RORC: variants seen among roughly 807,000 people sequenced by gnomAD.
RORC encodes nuclear receptor ROR-gamma.
RORC carries 13 observed loss-of-function variants against 64.5 expected under a neutral mutation model. The observed-to-expected ratio is 0.20, with a 90% CI of 0.13 to 0.32. The LOEUF is 0.32. Among genes scored for constraint, RORC ranks in the 10% least tolerant of loss-of-function variants. The pLI, the probability that RORC is intolerant of heterozygous loss-of-function variation, is 1.00. For missense variants in RORC, 468 were observed against 669.5 expected, an observed-to-expected ratio of 0.70 and a Z score of 3.32; for synonymous variants, 277 against 259.3, an observed-to-expected ratio of 1.07 and a Z score of -0.65.
At chr1:151,812,233 C>T (rs568720096) in intron 9 of RORC, 2 of 152,356 alleles carry the variant, frequency 1.3e-5, no homozygotes, top group Middle Eastern at 3.4e-3. Flanking sequence ...AGTTGACTTA[C>T]TATTTTTTGA....
chr1:151,811,056 C>T (rs980643284), intron 10 of RORC, among the ~76,000 whole-genome samples: 2 of 152,176 alleles, frequency 1.3e-5, no homozygotes. Context: ...GTGCCTTGTA[C>T]AAGCAGGTGC....
chr1:151,823,268 A>G (rs933918763), intron 2 of RORC, among the ~76,000 whole-genome samples: 1 of 152,118 alleles, frequency 6.6e-6, no homozygotes, highest in African/African-American at 2.4e-5. Flanking sequence ...AGATCAGCTC[A>G]TAGACAGTGA....
intron 2 of RORC, among the ~76,000 whole-genome samples, chr1:151,824,295 G>A (rs1652108068): frequency 6.6e-6 from 1 of 151,974 alleles, no homozygotes; most frequent in South Asian, 2.1e-4. Flanking sequence ...GGGTGGGGCT[G>A]TGTGTGTGTG....
chr1:151,824,432 G>T (rs370157769), intron 2 of RORC, among the ~76,000 whole-genome samples: 1 of 152,270 alleles, frequency 6.6e-6, no homozygotes, highest in South Asian at 2.1e-4. Flanking sequence ...CTCATTAGGG[G>T]CCATCTCTGG....
chr1:151,813,538 G>A lies in RORC; in HGVS notation c.1016C>T (p.Ser339Leu). The A allele has an allele frequency of 6.2e-7, 1 of 1,614,162 alleles. No individual in the cohort carries two copies. Among genetic ancestry groups the A allele is most frequent in the Non-Finnish European group, 8.5e-7 (1 of 1,180,036 alleles). The change falls in exon 7 of 11, where the codon TCA becomes TTA. Residue 339 changes from serine (S) to leucine (L), a missense_variant. Ser to Leu is a moderately radical substitution (Grantham distance 145, BLOSUM62 -2). Coordinates refer to ENST00000318247, the MANE Select transcript of RORC (RefSeq NM_005060.4). ...QYVVEFAKRLSGFMELCQNDQ... is the reference protein window; with the variant it reads ...QYVVEFAKRLLGFMELCQNDQ... ...ATTCTGGCAGAGCTCCATAAAGCCT[G>A]AGAGCCTCTTGGCGAACTCCACCAC...
At chr1:151,822,781 A>G (rs913398206) in intron 2 of RORC, among the ~76,000 whole-genome samples, 1 of 152,218 alleles carries the variant, frequency 6.6e-6, no homozygotes, top group African/African-American at 2.4e-5. Flanking sequence ...CTCCCCCGAA[A>G]TAGACATCTC....
At chr1:151,827,239 T>G (rs1031497776) in intron 2 of RORC, among the ~76,000 whole-genome samples, 2 of 152,040 alleles carry the variant, frequency 1.3e-5, no homozygotes, top group Non-Finnish European at 2.9e-5. Flanking sequence ...AGTGGCAGAG[T>G]CAGGATTCAA....
chr1:151,824,160 G>A (rs1652101180), intron 2 of RORC, among the ~76,000 whole-genome samples: 1 of 152,198 alleles, frequency 6.6e-6, no homozygotes, highest in Admixed American at 6.5e-5. Context: ...AGGGGCTGGT[G>A]GTGGTTGGCA....
chr1:151,822,623 C>T (rs531676548), intron 2 of RORC, among the ~76,000 whole-genome samples: 6 of 152,142 alleles, frequency 3.9e-5, no homozygotes, highest in African/African-American at 1.4e-4. Context: ...GAAGCTCTGG[C>T]GAGTGGGAGC....
At chr1:151,813,183 A>C in intron 8 of RORC, 56 bp downstream of exon 8, 7 of 1,555,176 alleles carry the variant, frequency 4.5e-6, no homozygotes, top group Non-Finnish European at 6.2e-6. Context: ...TGGGTCACAA[A>C]GCTTTGCCTG....
intron 2 of RORC, among the ~76,000 whole-genome samples, chr1:151,822,655 T>G (rs1332880684): frequency 6.6e-6 from 1 of 152,216 alleles, no homozygotes; most frequent in Non-Finnish European, 1.5e-5. Context: ...CATCAGCACC[T>G]TCCCTGCCTT....
intron 4 of RORC, among the ~76,000 whole-genome samples, chr1:151,816,305 A>C (rs1222850109): frequency 6.6e-6 from 1 of 152,226 alleles, no homozygotes; most frequent in Non-Finnish European, 1.5e-5. Context: ...AAAAGGAGAT[A>C]GAGCTAGAAC....
chr1:151,816,353 C>A (rs1467487557), intron 4 of RORC, among the ~76,000 whole-genome samples: 1 of 152,212 alleles, frequency 6.6e-6, no homozygotes, highest in Non-Finnish European at 1.5e-5. Flanking sequence ...GCCAGAGCTG[C>A]ATGGGAGCTG....
At chr1:151,829,548 A>C in intron 1 of RORC, 90 bp from the exon 2 acceptor site, 5 of 1,200,596 alleles carry the variant, frequency 4.2e-6, no homozygotes, top group South Asian at 2.0e-5. Flanking sequence ...CCACTGCCGC[A>C]CTCCTTCCCT....
intron 10 of RORC, among the ~76,000 whole-genome samples, chr1:151,809,708 G>A (rs1651446348): frequency 6.6e-6 from 1 of 152,198 alleles, no homozygotes; most frequent in South Asian, 2.1e-4. Context: ...AATCCATCCT[G>A]TAGCAGATTA....
In RORC at chr1:151,817,201, C is replaced by A. The variant is rs200661181; in HGVS notation, c.150G>T (p.Gly50=). The A allele has an allele frequency of 1.2e-6, 2 of 1,612,826 alleles. No individual in the cohort carries two copies. The highest frequency in any genetic ancestry group is 2.2e-5 in the East Asian group (1 of 44,866). Residue 50 remains glycine, a synonymous_variant, in exon 3 of 11, where the codon GGG becomes GGT. Transcript: ENST00000318247. ...GIHYGVITCE[G]CKGFFRRSQR... is the part of the protein sequence containing the mutation. ...ACACATGCCTATGACTCACCTTGCACCCCTCACAGGTGATAACCCCGTAGT... is the reference window on the plus strand; with the variant it reads ...ACACATGCCTATGACTCACCTTGCAACCCTCACAGGTGATAACCCCGTAGT...
rs1462646134 is a variant in RORC at position 151,815,443 on chromosome 1, A to C, written c.299-18T>G. 1 of 1,518,596 alleles carries C rather than the reference A, an allele frequency of 6.6e-7. No homozygotes were observed. Among genetic ancestry groups the C allele is most frequent in the Non-Finnish European group, 8.8e-7 (1 of 1,133,400 alleles). 94.1% of individuals were successfully genotyped at this position (1,518,596 alleles called of 1,614,324 possible). On this transcript the variant is annotated intron_variant, in intron 4 of 10. Transcript: ENST00000318247. ...CTTGACAGCTGAAAGAGGTCCAGGG[A>C]CCAGGGGTTTATGAGGCAGGAGAAC...
chr1:151,830,966 G>A lies in RORC; in HGVS notation c.40+759C>T, dbSNP rs768905147. 7.0e-6 allele frequency: 9 copies of A among 1,289,278 alleles called. No individual in the cohort carries two copies. The South Asian group carries it at 1.1e-4, about 16-fold the overall frequency. 79.9% of individuals were successfully genotyped at this position (1,289,278 alleles called of 1,614,324 possible). A position where few individuals can be genotyped will look rare whatever the true frequency, so the allele number is the denominator to read the frequency against. On this transcript the variant is annotated intron_variant, in intron 1 of 10. Transcript: ENST00000318247. The surrounding 1 kb of genome is among the most constrained non-coding windows in gnomAD (Gnocchi z 4.0). ...TCTTCCTCCACCAGGTGGCCCTGGAGCTTGGTGGCTCTGGCCCTCAAACTT... is the reference window on the plus strand; with the variant it reads ...TCTTCCTCCACCAGGTGGCCCTGGAACTTGGTGGCTCTGGCCCTCAAACTT...
Position 151,807,155 on chromosome 1 carries a change from A to C in RORC, c.*317T>G. ...CCTGGATGCCCCTGTTTTCTTGAGG[A>C]TGTCTTGGTCCCCCAGAAGTCCTTA... On this transcript the variant is annotated 3_prime_UTR_variant, in exon 11 of 11. Transcript: ENST00000318247. The surrounding 1 kb of genome is among the most constrained non-coding windows in gnomAD (Gnocchi z 5.0). 3.8e-6 allele frequency: 1 copy of C among 261,002 alleles called. No individual in the cohort carries two copies. The highest frequency in any genetic ancestry group is 7.3e-6 in the Non-Finnish European group (1 of 136,806). 16.2% of individuals were successfully genotyped at this position (261,002 alleles called of 1,614,324 possible). A position where few individuals can be genotyped will look rare whatever the true frequency, so the allele number is the denominator to read the frequency against.
Sources: gnomAD v4.1 joint callset for allele counts (sites outside exome capture counted in the v4.1 genomes callset) on GRCh38, gnomAD v4.1.1 for gene constraint, Gnocchi (gnomAD v3.1) non-coding constraint, MANE v1.5 for transcripts, NCBI Gene and HGNC (gene_info 2026-07-23, HGNC 2026-07-21) for gene names.